CSMD1: variants seen among roughly 807,000 people sequenced by gnomAD.
CSMD1 encodes the protein CUB and sushi domain-containing protein 1.
A neutral mutation model predicts 417.5 loss-of-function variants in CSMD1; 213 were observed. The ratio of observed to expected loss-of-function variants is 0.51; its 90% CI spans 0.46 to 0.57. CSMD1 has a LOEUF of 0.57. Ranked by LOEUF, CSMD1 falls within the 20% of genes least tolerant of loss-of-function variation. The pLI is 0.00. For synonymous variants in CSMD1, 2,862 were observed against 1,736.8 expected, an observed-to-expected ratio of 1.65 and a Z score of -16.11; for missense variants, 6,923 against 4,529.7, an observed-to-expected ratio of 1.53 and a Z score of -15.17.
chr8:3,695,019 T>A (rs1270472643), intron 7 of CSMD1, among the ~76,000 whole-genome samples: 1 of 150,932 alleles, frequency 6.6e-6, no homozygotes, highest in Non-Finnish European at 1.5e-5. Flanking sequence ...GACGAAGACA[T>A]GAAAGGGAAT....
At chr8:4,454,063 C>G (rs1336385220) in intron 2 of CSMD1, among the ~76,000 whole-genome samples, 2 of 152,014 alleles carry the variant, frequency 1.3e-5, no homozygotes, top group East Asian at 1.9e-4. Context: ...ACCTCGTGAT[C>G]CGCCCGCCTC....
chr8:4,686,203 T>C (rs1806378829), intron 1 of CSMD1, among the ~76,000 whole-genome samples: 1 of 152,186 alleles, frequency 6.6e-6, no homozygotes, highest in Non-Finnish European at 1.5e-5. Flanking sequence ...ACCTTTGGAG[T>C]TAGTAAGGCT....
chr8:4,199,875 A>C (rs1235255199), intron 3 of CSMD1, among the ~76,000 whole-genome samples: 6 of 152,160 alleles, frequency 3.9e-5, no homozygotes. Flanking sequence ...CCATGACAAT[A>C]TTTTTAGGCC....
chr8:4,032,869 AC>A (rs1797421119), intron 3 of CSMD1, among the ~76,000 whole-genome samples: 1 of 152,090 alleles, frequency 6.6e-6, no homozygotes. Flanking sequence ...AATCTGAAAA[AC>A]TAGGTCAGGC....
At chr8:4,047,655 TG>T (rs1349932052) in intron 3 of CSMD1, among the ~76,000 whole-genome samples, 14 of 152,166 alleles carry the variant, frequency 9.2e-5, no homozygotes, top group Admixed American at 9.2e-4. Context: ...TGAGTATATT[TG>T]GGGCATGCAG....
intron 54 of CSMD1, among the ~76,000 whole-genome samples, chr8:2,992,582 C>A (rs760238354): frequency 6.6e-6 from 1 of 151,368 alleles, no homozygotes; most frequent in African/African-American, 2.5e-5. Flanking sequence ...CACCACCACA[C>A]CTGGCTAATT....
chr8:3,811,214 G>A (rs1000666906), intron 5 of CSMD1, among the ~76,000 whole-genome samples: 1 of 152,128 alleles, frequency 6.6e-6, no homozygotes, highest in Non-Finnish European at 1.5e-5. Flanking sequence ...AGGGAGAAGG[G>A]CAATCTGTGA....
intron 23 of CSMD1, among the ~76,000 whole-genome samples, chr8:3,318,931 AAAT>A (rs1805964722): frequency 1.3e-5 from 2 of 152,190 alleles, no homozygotes; most frequent in African/African-American, 4.8e-5. Context: ...TCAGCTTTAC[AAAT>A]AATAAAAACA....
At chr8:4,566,899 G>C (rs1253648053) in intron 2 of CSMD1, among the ~76,000 whole-genome samples, 1 of 152,128 alleles carries the variant, frequency 6.6e-6, no homozygotes, top group Non-Finnish European at 1.5e-5. Context: ...TTCCAGCAAT[G>C]AGAAAAAGTC....
chr8:3,312,868 C>CG (rs1215695157), intron 23 of CSMD1, among the ~76,000 whole-genome samples: 27 of 152,152 alleles, frequency 1.8e-4, no homozygotes, highest in Admixed American at 1.8e-3. Flanking sequence ...TATCCACATT[C>CG]GTTAGGATAC....
At chr8:3,789,764 T>G (rs1367606912) in intron 5 of CSMD1, among the ~76,000 whole-genome samples, 1 of 144,338 alleles carries the variant, frequency 6.9e-6, no homozygotes, top group East Asian at 2.0e-4. Context: ...ACAGTTTCAC[T>G]CTGTCTCCGA....
chr8:4,794,533 A>C (rs13253191), intron 1 of CSMD1, among the ~76,000 whole-genome samples: 50,617 of 150,842 alleles, frequency 0.34, 9,238 homozygotes, highest in Admixed American at 0.49. Context: ...TCTCTGCCTG[A>C]CTCTCCCTCC....
At chr8:4,206,376 C>G (rs554984397) in intron 3 of CSMD1, among the ~76,000 whole-genome samples, 2 of 152,020 alleles carry the variant, frequency 1.3e-5, no homozygotes, top group East Asian at 1.9e-4. Context: ...CCCGGTATGT[C>G]ATATTCCCCA....
At chr8:4,222,047 G>C (rs887037589) in intron 3 of CSMD1, among the ~76,000 whole-genome samples, 3 of 14,260 alleles carry the variant, frequency 2.1e-4, no homozygotes, top group Non-Finnish European at 4.4e-4. Context: ...AGTATGAGAA[G>C]ACATCAAAGG....
intron 2 of CSMD1, among the ~76,000 whole-genome samples, chr8:4,545,019 A>T (rs751180160): frequency 6.6e-6 from 1 of 152,258 alleles, no homozygotes; most frequent in Non-Finnish European, 1.5e-5. Flanking sequence ...TCACGCACGT[A>T]TCTGAATGCA....
intron 33 of CSMD1, among the ~76,000 whole-genome samples, chr8:3,197,889 C>G (rs941259076): frequency 2.6e-5 from 4 of 152,162 alleles, no homozygotes; most frequent in Admixed American, 1.3e-4. Context: ...ATTTATGATT[C>G]TAGTTCTTCC....
intron 5 of CSMD1, among the ~76,000 whole-genome samples, chr8:3,768,626 A>G (rs545287760): frequency 1.3e-5 from 2 of 152,360 alleles, no homozygotes; most frequent in South Asian, 2.1e-4. Context: ...GGAATTGACC[A>G]TATTTTATTT....
intron 1 of CSMD1, among the ~76,000 whole-genome samples, chr8:4,642,702 C>T (rs1482373897): frequency 6.6e-6 from 1 of 152,142 alleles, no homozygotes; most frequent in African/African-American, 2.4e-5. Flanking sequence ...TCGTGCACAG[C>T]CTTTGAAGTG....
chr8:4,662,500 G>A (rs1419834027), intron 1 of CSMD1, among the ~76,000 whole-genome samples: 1 of 152,112 alleles, frequency 6.6e-6, no homozygotes, highest in Non-Finnish European at 1.5e-5. Context: ...GGTGCTTTCT[G>A]GTGGTGAAAA....
Sources: allele counts gnomAD v4.1 joint callset (sites outside exome capture counted in the v4.1 genomes callset), GRCh38; gene constraint gnomAD v4.1.1; transcripts MANE v1.5; gene names NCBI Gene and HGNC (gene_info 2026-07-23, HGNC 2026-07-21).